The following CASK variants were observed in gnomAD, a reference collection of about 807,000 sequenced individuals.
CASK encodes peripheral plasma membrane protein CASK.
A neutral mutation model predicts 82.9 loss-of-function variants in CASK; 4 were observed. The observed-to-expected ratio is 0.05, with a 90% CI of 0.02 to 0.11. The LOEUF (loss-of-function observed/expected upper bound fraction) is 0.11, where lower values mean the gene tolerates loss of function less well. Among genes scored for constraint, CASK ranks in the 10% least tolerant of loss-of-function variants. The pLI, the probability that CASK is intolerant of heterozygous loss-of-function variation, is 1.00. For missense variants in CASK, 358 were observed against 720.9 expected, an observed-to-expected ratio of 0.50 and a Z score of 5.76; for synonymous variants, 259 against 253.5, an observed-to-expected ratio of 1.02 and a Z score of -0.20.
intron 1 of CASK, among the ~76,000 whole-genome samples, chrX:41,902,261 A>C (rs1227366118): frequency 2.7e-5 from 3 of 112,264 alleles, no homozygotes; most frequent in Non-Finnish European, 5.6e-5. Flanking sequence ...TAGTGGCTTT[A>C]AACAACACAA....
chrX:41,859,336 C>T (rs2071431456), intron 1 of CASK, among the ~76,000 whole-genome samples: 2 of 111,940 alleles, frequency 1.8e-5, no homozygotes, highest in Admixed American at 1.9e-4. Context: ...CATTACATTG[C>T]AGAGTGCATG....
intron 25 of CASK, among the ~76,000 whole-genome samples, chrX:41,530,308 C>A (rs1253562358): frequency 8.9e-6 from 1 of 111,907 alleles, no homozygotes; most frequent in African/African-American, 3.2e-5. Context: ...GTAAAGCCTT[C>A]AGCTTTCTCT....
At chrX:41,589,700 G>A in intron 12 of CASK, 108 bp from the exon 13 acceptor site, 1 of 562,564 alleles carries the variant, frequency 1.8e-6, no homozygotes, top group Non-Finnish European at 3.0e-6. Context: ...AAAAAGGCAG[G>A]CTGATGATTT....
intron 2 of CASK, among the ~76,000 whole-genome samples, chrX:41,837,155 T>A (rs1569464402): frequency 8.9e-6 from 1 of 112,176 alleles, no homozygotes; most frequent in Non-Finnish European, 1.9e-5. Context: ...TACAATTTTT[T>A]AAAATTTTAA....
chrX:41,861,847 CATATA>C lies in CASK; in HGVS notation c.60-8625_60-8621del, dbSNP rs765560236. On this transcript the variant is annotated intron_variant, in intron 1 of 26. Transcript: ENST00000378163. ...TATGTATATATACATACAATATATACATATAATATATAGTATAATATACATACAGT... is the reference window on the plus strand; with the variant it reads ...TATGTATATATACATACAATATATACATATATAGTATAATATACATACAGT... 1.8e-3 allele frequency among the ~76,000 whole-genome samples: 177 copies of C among 96,071 alleles called. 2 individuals carry two copies. The highest frequency in any genetic ancestry group is 6.3e-3 in the African/African-American group (165 of 26,128). The allele number at this position is 96,071 out of a possible 115,157, so 83.4% of individuals were successfully genotyped here.
chrX:41,662,116 T>C (rs138807308), intron 7 of CASK, among the ~76,000 whole-genome samples: 41 of 111,194 alleles, frequency 3.7e-4, no homozygotes, highest in African/African-American at 1.2e-3. Context: ...CTAAAACAAA[T>C]TGGGGAGATT....
intron 2 of CASK, among the ~76,000 whole-genome samples, chrX:41,842,297 C>T (rs145175528): frequency 3.8e-4 from 42 of 111,267 alleles, no homozygotes; most frequent in Non-Finnish European, 6.2e-4. Context: ...CTGGGCCAGG[C>T]GCAGTGGCTC....
At chrX:41,765,662 A>AG (rs1328169705) in intron 3 of CASK, among the ~76,000 whole-genome samples, 1 of 111,628 alleles carries the variant, frequency 9.0e-6, no homozygotes, top group Non-Finnish European at 1.9e-5. Flanking sequence ...GTGTGTAAGA[A>AG]GGGGGGTGGC....
chrX:41,922,812 G>GAGAGGGGA (rs1209323519), intron 1 of CASK, 118 bp downstream of exon 1: 1 of 612,549 alleles, frequency 1.6e-6, no homozygotes. Flanking sequence ...TGAGAAGGAC[G>GAGAGGGGA]AGAGGGGAAG....
At chrX:41,858,641 T>C (rs1224511816) in intron 1 of CASK, among the ~76,000 whole-genome samples, 1 of 111,900 alleles carries the variant, frequency 8.9e-6, no homozygotes, top group Non-Finnish European at 1.9e-5. Context: ...AATGGGCTCC[T>C]AACCACTCTC....
chrX:41,721,219 AG>A (rs2068159821), intron 5 of CASK, among the ~76,000 whole-genome samples: 1 of 111,092 alleles, frequency 9.0e-6, no homozygotes, highest in Non-Finnish European at 1.9e-5. Flanking sequence ...AAAAGTCCAA[AG>A]GGGCCACTTT....
rs141643912 is a variant in CASK at position 41,678,316 on chromosome X, C to T, written c.430-6786G>A. Among the ~76,000 whole-genome samples, 606 of 109,789 alleles carry T rather than the reference C, an allele frequency of 5.5e-3. 2 individuals are homozygous for T. The highest frequency in any genetic ancestry group is 0.019 in the African/African-American group (588 of 30,273). On this transcript the variant is annotated intron_variant, in intron 5 of 26. Coordinates refer to ENST00000378163, the MANE Select transcript of CASK (RefSeq NM_001367721.1). ...CCCCTTCCTTATGCTTTTTTTTTTCCAATGTTCATGCCATTGATTTGTTAA... is the reference window on the plus strand; with the variant it reads ...CCCCTTCCTTATGCTTTTTTTTTTCTAATGTTCATGCCATTGATTTGTTAA...
Position 41,893,935 on chromosome X carries a change from A to G in CASK, c.59+28995T>C, listed in dbSNP as rs1197126942. Among the ~76,000 whole-genome samples, 11 of 111,767 alleles carry G rather than the reference A, an allele frequency of 9.8e-5. No individual in the cohort carries two copies. The Admixed American group carries it at 1.0e-3, about 11-fold the overall frequency. ...ACTACCTGAGTGGATCAGAATCCAG[A>G]GTTGCTACAATATATTATCTAAAAT... On this transcript the variant is annotated intron_variant, in intron 1 of 26. Coordinates refer to ENST00000378163, the MANE Select transcript of CASK (RefSeq NM_001367721.1).
chrX:41,875,224 C>T (rs2071790249), intron 1 of CASK, among the ~76,000 whole-genome samples: 1 of 111,970 alleles, frequency 8.9e-6, no homozygotes, highest in Non-Finnish European at 1.9e-5. Flanking sequence ...GATGAGAGAA[C>T]AAATATTTGA....
chrX:41,626,199 G>A (rs1218172664), intron 10 of CASK, among the ~76,000 whole-genome samples: 1 of 110,307 alleles, frequency 9.1e-6, no homozygotes, highest in African/African-American at 3.3e-5. Flanking sequence ...ATTCAAAGCA[G>A]TGCTGCCCAC....
intron 2 of CASK, among the ~76,000 whole-genome samples, chrX:41,803,105 T>A (rs1440178330): frequency 9.0e-6 from 1 of 111,057 alleles, no homozygotes. Context: ...GGAATTCTCA[T>A]GACGAGCCCA....
At chrX:41,708,668 C>G (rs2067923367) in intron 5 of CASK, among the ~76,000 whole-genome samples, 2 of 112,123 alleles carry the variant, frequency 1.8e-5, no homozygotes, top group Admixed American at 9.5e-5. Flanking sequence ...CAAAAAATCC[C>G]CAAACTTTTC....
rs1438926814 is a variant in CASK, at chrX:41,854,220, G to GCA, written c.60-994_60-993insTG. Among the ~76,000 whole-genome samples the GCA allele has an allele frequency of 2.9e-4, 16 of 55,778 alleles. 1 individual carries two copies. The highest frequency in any genetic ancestry group is 4.5e-4 in the Non-Finnish European group (12 of 26,947). The allele number at this position is 55,778 out of a possible 115,157, so 48.4% of individuals were successfully genotyped here. ...AGGGAACATGCGCGCGCGCGCGGGC[G>GCA]CGCGCACACACACACACACACACAC... On this transcript the variant is annotated intron_variant, in intron 1 of 26. Transcript: ENST00000378163.
chrX:41,897,792 GAA>G (rs1005929606), intron 1 of CASK, among the ~76,000 whole-genome samples: 2 of 111,655 alleles, frequency 1.8e-5, no homozygotes, highest in African/African-American at 6.5e-5. Context: ...CAACCATAGA[GAA>G]AAGAGTCTCT....
Sources: allele counts gnomAD v4.1 joint callset (sites outside exome capture counted in the v4.1 genomes callset), GRCh38; gene constraint gnomAD v4.1.1; transcripts MANE v1.5; gene names NCBI Gene and HGNC (gene_info 2026-07-23, HGNC 2026-07-21).